MAP3K20: variants seen among roughly 807,000 people sequenced by gnomAD.
The protein encoded by MAP3K20 is HCCS-4.
MAP3K20 carries 40 observed loss-of-function variants against 85.7 expected under a neutral mutation model. The observed-to-expected ratio is 0.47, with a 90% CI of 0.36 to 0.61. The LOEUF (loss-of-function observed/expected upper bound fraction) is 0.61. Ranked by LOEUF, MAP3K20 falls within the 20% of genes least tolerant of loss-of-function variation. MAP3K20 has a pLI of 0.00. For synonymous variants in MAP3K20, 325 were observed against 327.7 expected, an observed-to-expected ratio of 0.99 and a Z score of 0.09; for missense variants, 817 against 961.7, an observed-to-expected ratio of 0.85 and a Z score of 1.99.
chr2:173,246,122 G>A (rs1684907450), intron 16 of MAP3K20, among the ~76,000 whole-genome samples: 1 of 152,086 alleles, frequency 6.6e-6, no homozygotes. Flanking sequence ...AACATGACAG[G>A]GAACATTATC....
intron 11 of MAP3K20, chr2:173,224,825 T>G: frequency 1.0e-6 from 1 of 984,854 alleles, no homozygotes; most frequent in Non-Finnish European, 1.2e-6. Flanking sequence ...TAGACTCTAT[T>G]AATTTTAAAA....
At chr2:173,186,278 G>A (rs931202869) in intron 4 of MAP3K20, among the ~76,000 whole-genome samples, 1 of 152,076 alleles carries the variant, frequency 6.6e-6, no homozygotes, top group African/African-American at 2.4e-5. Flanking sequence ...TGATTCTAAA[G>A]CAAGAGAGAG....
intron 3 of MAP3K20, among the ~76,000 whole-genome samples, chr2:173,181,704 TA>T (rs1248271489): frequency 6.6e-6 from 1 of 151,990 alleles, no homozygotes; most frequent in African/African-American, 2.4e-5. Context: ...TATTCGGCAA[TA>T]AAACAGAATT....
intron 2 of MAP3K20, among the ~76,000 whole-genome samples, chr2:173,147,390 G>GT (rs1689165834): frequency 6.6e-6 from 1 of 151,966 alleles, no homozygotes; most frequent in South Asian, 2.1e-4. Context: ...TTATTTTTTT[G>GT]TATGTAGATA....
At chr2:173,140,003 TTTTATTTATTTA>T (rs71018535) in intron 2 of MAP3K20, among the ~76,000 whole-genome samples, 1 of 150,648 alleles carries the variant, frequency 6.6e-6, no homozygotes, top group Non-Finnish European at 1.5e-5. Flanking sequence ...CTATACTTAA[TTTTATTTATTTA>T]TTTATTTATT....
chr2:173,173,233 C>T (rs1033052424), intron 3 of MAP3K20, among the ~76,000 whole-genome samples: 1 of 150,502 alleles, frequency 6.6e-6, no homozygotes, highest in African/African-American at 2.4e-5. Flanking sequence ...GCAGGGGGAG[C>T]TCCTGGGAGA....
At chr2:173,176,919 T>TA (rs1466992430) in intron 3 of MAP3K20, among the ~76,000 whole-genome samples, 2 of 152,084 alleles carry the variant, frequency 1.3e-5, no homozygotes, top group Non-Finnish European at 2.9e-5. Flanking sequence ...TCAGACAAAA[T>TA]ACAGCAAAGA....
chr2:173,130,112 A>G (rs1688565772), intron 2 of MAP3K20, among the ~76,000 whole-genome samples: 1 of 152,242 alleles, frequency 6.6e-6, no homozygotes, highest in African/African-American at 2.4e-5. Context: ...ATATATCCTA[A>G]GGTTATGGTC....
chr2:173,240,391 A>C (rs1684753885), intron 16 of MAP3K20, among the ~76,000 whole-genome samples: 1 of 152,168 alleles, frequency 6.6e-6, no homozygotes, highest in East Asian at 1.9e-4. Flanking sequence ...CCTCAGTGAA[A>C]CCATGCTTGC....
At chr2:173,075,784 G>A (rs1559220422), upstream of MAP3K20, 1 of 985,376 alleles carries the variant, frequency 1.0e-6, no homozygotes, top group Non-Finnish European at 1.2e-6. Flanking sequence ...CGCGTGTGAG[G>A]GGAGGGCGGC....
chr2:173,150,560 A>G (rs1195730013), intron 2 of MAP3K20, among the ~76,000 whole-genome samples: 1 of 152,138 alleles, frequency 6.6e-6, no homozygotes, highest in African/African-American at 2.4e-5. Context: ...AGTTCTGCAT[A>G]TCCTTAAAAA....
At chr2:173,099,062 T>A (rs1687548508) in intron 2 of MAP3K20, among the ~76,000 whole-genome samples, 2 of 152,228 alleles carry the variant, frequency 1.3e-5, no homozygotes, top group South Asian at 4.1e-4. Context: ...TTTGGAATTT[T>A]GGGTACCTTG....
chr2:173,260,312 G>GA (rs1558916048), intron 17 of MAP3K20, among the ~76,000 whole-genome samples: 1 of 152,168 alleles, frequency 6.6e-6, no homozygotes, highest in African/African-American at 2.4e-5. Context: ...AGGTTGCAGT[G>GA]AGCCAAGATC....
In MAP3K20 at chr2:173,258,765, G is replaced by A. The variant is rs1312223673; in HGVS notation, c.1426G>A (p.Val476Met). 1.2e-6 allele frequency: 2 copies of A among 1,613,046 alleles called. No individual in the cohort carries two copies. Among genetic ancestry groups the A allele is most frequent in the African/African-American group, 1.3e-5 (1 of 74,884 alleles). ...AATTGCAATAACCTACATAAAAGATGTGACATTCAACACTAACCTACCTGA... is the reference window on the plus strand; with the variant it reads ...AATTGCAATAACCTACATAAAAGATATGACATTCAACACTAACCTACCTGA... Reference protein sequence around the residue: ...DEIAITYIKDVTFNTNLPDAE... With the variant: ...DEIAITYIKDMTFNTNLPDAE... Residue 476 changes from valine (V) to methionine (M), a missense_variant, in exon 17 of 20, where the codon GTG becomes ATG. Coordinates refer to ENST00000375213, the MANE Select transcript of MAP3K20 (RefSeq NM_016653.3).
At chr2:173,093,993 G>T (rs1213056304) in intron 2 of MAP3K20, among the ~76,000 whole-genome samples, 1 of 116,834 alleles carries the variant, frequency 8.6e-6, no homozygotes, top group Non-Finnish European at 1.7e-5. Context: ...CTGTTGTGGG[G>T]TGGGGGGAGG....
At chr2:173,263,709 C>CT (rs761325269) in intron 18 of MAP3K20, 36 bp from the exon 19 acceptor site, 658 of 1,583,744 alleles carry the variant, frequency 4.2e-4, no homozygotes, top group Non-Finnish European at 4.6e-4. Context: ...TTCTATTTGT[C>CT]TTTTTTTTGT....
intron 18 of MAP3K20, among the ~76,000 whole-genome samples, chr2:173,261,733 T>C (rs1340139373): frequency 1.3e-5 from 2 of 152,136 alleles, no homozygotes; most frequent in Non-Finnish European, 2.9e-5. Flanking sequence ...CTGAAAAATA[T>C]CGTCCAGGCG....
At chr2:173,167,709 T>G (rs1287039967) in intron 2 of MAP3K20, among the ~76,000 whole-genome samples, 2 of 152,146 alleles carry the variant, frequency 1.3e-5, no homozygotes, top group African/African-American at 4.8e-5. Flanking sequence ...AAATGATCAA[T>G]CCTATCTCCT....
chr2:173,153,352 T>C (rs1689362787), intron 2 of MAP3K20, among the ~76,000 whole-genome samples: 2 of 152,206 alleles, frequency 1.3e-5, no homozygotes, highest in Admixed American at 1.3e-4. Flanking sequence ...AAACTTTCTA[T>C]CAAGTTATTC....
Sources: gnomAD v4.1 joint callset for allele counts (sites outside exome capture counted in the v4.1 genomes callset) on GRCh38, gnomAD v4.1.1 for gene constraint, MANE v1.5 for transcripts, NCBI Gene and HGNC (gene_info 2026-07-23, HGNC 2026-07-21) for gene names.